The following KLC2 variants were observed in gnomAD, a reference collection of about 807,000 sequenced individuals.
KLC2 encodes KLC 2.
Under a neutral mutation model 75.1 loss-of-function variants are expected in KLC2, and 35 were observed. The observed-to-expected ratio is 0.47, with a 90% CI of 0.36 to 0.62. KLC2 has a LOEUF of 0.62. Ranked by LOEUF, KLC2 falls within the 20% of genes least tolerant of loss-of-function variation. KLC2 has a pLI of 0.00. For synonymous variants in KLC2, 314 were observed against 336.7 expected (o/e 0.93, Z 0.74); for missense variants, 611 against 833.2 (o/e 0.73, Z 3.28).
intron 1 of KLC2, 129 bp downstream of exon 1, chr11:66,258,000 G>A (rs1444743557): frequency 6.5e-6 from 1 of 152,976 alleles, no homozygotes; most frequent in African/African-American, 2.4e-5. Context: ...GCCCTGGTAG[G>A]GGGCGCGGTC....
At chr11:66,262,238 A>T in intron 4 of KLC2, 46 bp downstream of exon 4, 1 of 1,512,288 alleles carries the variant, frequency 6.6e-7, no homozygotes, top group African/African-American at 1.4e-5. Context: ...GGTTGTGTGA[A>T]CTCTTGGTCC....
Position 66,266,913 on chromosome 11 carries a change from C to G in KLC2, c.1826C>G (p.Ser609Cys), listed in dbSNP as rs748605249. The change falls in exon 16 of 16, where the codon TCC becomes TGC. Residue 609 changes from serine to cysteine, a missense_variant. Physicochemically the swap from Ser to Cys is moderately radical, Grantham distance 112. Transcript: ENST00000394067. ...TGLSDSRTLS[S>C]SSMDLSRRSS... ...CTCTCTGACAGCCGCACTCTCAGCT[C>G]CAGCTCCATGGACCTCTCCCGACGA... is the stretch of plus-strand genomic sequence containing the variant. The G allele has an allele frequency of 5.6e-6, 9 of 1,613,624 alleles. No individual in the cohort carries two copies. Among genetic ancestry groups the G allele is most frequent in the Non-Finnish European group, 7.6e-6 (9 of 1,180,020 alleles).
Position 66,258,726 on chromosome 11 carries a change from A to G in KLC2, c.132A>G (p.Ala44=), listed in dbSNP as rs766652477. ...EHRALLAPLV[A]PEAGEAEPGS... ...GTGCCCTGCTGGCTCCTCTGGTTGC[A>G]CCTGAGGCCGGCGAAGCCGAGCCTG... The change falls in exon 2 of 16, where the codon GCA becomes GCG. Residue 44 remains alanine, a synonymous_variant. Coordinates refer to ENST00000394067, the MANE Select transcript of KLC2 (RefSeq NM_001318734.2). 1 of 1,613,352 alleles carries G rather than the reference A, an allele frequency of 6.2e-7. No homozygotes were observed.
chr11:66,266,676 C>T (rs575479354), intron 15 of KLC2, 186 bp downstream of exon 15: 5 of 845,020 alleles, frequency 5.9e-6, no homozygotes, highest in African/African-American at 5.0e-5. Flanking sequence ...GACGTGTAAA[C>T]GGCCAGTGCT....
chr11:66,265,034 C>G lies in KLC2; in HGVS notation c.1228C>G (p.Pro410Ala). 2 of 1,613,300 alleles carry G rather than the reference C, an allele frequency of 1.2e-6. No homozygotes were observed. The highest frequency in any genetic ancestry group is 4.5e-5 in the East Asian group (2 of 44,856). The change falls in exon 10 of 16, where the codon CCC becomes GCC. Residue 410 changes from proline to alanine, a missense_variant. Coordinates refer to ENST00000394067, the MANE Select transcript of KLC2 (RefSeq NM_001318734.2). ...EFGSVNGDNK[P>A]IWMHAEEREE... ...CTTTCTCTCCCCAGGGGACAACAAG[C>G]CCATCTGGATGCACGCAGAGGAGCG...
Position 66,265,247 on chromosome 11 carries a change from G to GGGGCT in KLC2, c.1334+21_1334+25dup, listed in dbSNP as rs747716315. 12 of 1,541,328 alleles carry GGGGCT rather than the reference G, an allele frequency of 7.8e-6. No homozygotes were observed. Among genetic ancestry groups the GGGGCT allele is most frequent in the Admixed American group, 6.7e-5 (4 of 59,878 alleles). ...TGTAAAGTAGACAGGTGAGTGGGGC[G>GGGGCT]GGGCTGGGCTGGGGAGCAGGGCACG... On this transcript the variant is annotated intron_variant, in intron 11 of 15. Coordinates refer to ENST00000394067, the MANE Select transcript of KLC2 (RefSeq NM_001318734.2).
upstream of KLC2, among the ~76,000 whole-genome samples, chr11:66,254,710 C>T (rs1246084069): frequency 2.8e-5 from 4 of 145,070 alleles, no homozygotes; most frequent in Admixed American, 2.1e-4. Flanking sequence ...CCAAGGTGGG[C>T]GGATCATGGT....
upstream of KLC2, among the ~76,000 whole-genome samples, chr11:66,253,851 A>C (rs1031841960): frequency 6.6e-6 from 1 of 152,268 alleles, no homozygotes; most frequent in Admixed American, 6.5e-5. Flanking sequence ...GAACCACTGA[A>C]GCCCACAGAT....
Position 66,267,698 on chromosome 11 carries a change from C to A in KLC2, c.*742C>A, listed in dbSNP as rs1375342699. On this transcript the variant is annotated 3_prime_UTR_variant, in exon 16 of 16. Coordinates refer to ENST00000394067, the MANE Select transcript of KLC2 (RefSeq NM_001318734.2). ...GCACGGCCGACCCCGCCCCGGGCAC[C>A]GCCCACCGAGCCATCCTGCCTCGCC... is the stretch of plus-strand genomic sequence containing the variant. 3 of 520,616 alleles carry A rather than the reference C, an allele frequency of 5.8e-6. No individual in the cohort carries two copies. The highest frequency in any genetic ancestry group is 1.0e-5 in the Non-Finnish European group (3 of 296,020). 32.2% of individuals were successfully genotyped at this position (520,616 alleles called of 1,614,324 possible).
chr11:66,257,407 C>T (rs1351039647), upstream of KLC2: 1 of 152,342 alleles, frequency 6.6e-6, no homozygotes, highest in African/African-American at 2.4e-5. Flanking sequence ...TGGCGCCTCG[C>T]TCTGTACTCC....
At chr11:66,261,459 C>A (rs980290674) in intron 2 of KLC2, 2 of 391,100 alleles carry the variant, frequency 5.1e-6, no homozygotes, top group Non-Finnish European at 9.3e-6. Context: ...GGGCTAGTAG[C>A]TCAGGGAAAG....
At chr11:66,258,964 T>C (rs1266684008) in intron 2 of KLC2, 142 bp downstream of exon 2, 11 of 636,764 alleles carry the variant, frequency 1.7e-5, no homozygotes, top group Admixed American at 3.0e-5. Context: ...TAAATACCTT[T>C]TGAAGAAATA....
chr11:66,250,199 C>T, the KLC2 span, among the ~76,000 whole-genome samples: 6 of 152,178 alleles, frequency 3.9e-5, no homozygotes, highest in Non-Finnish European at 7.3e-5. Flanking sequence ...TCTGTCTCTT[C>T]AGTCATAGAG....
At chr11:66,251,979 G>A in the KLC2 span, among the ~76,000 whole-genome samples, 1 of 152,162 alleles carries the variant, frequency 6.6e-6, no homozygotes, top group Non-Finnish European at 1.5e-5. Context: ...CTGGGGAGAG[G>A]TGAGCTCATC....
chr11:66,244,110 T>C, the KLC2 span: 1 of 152,336 alleles, frequency 6.6e-6, no homozygotes, highest in Non-Finnish European at 1.5e-5. Flanking sequence ...TCCACCCTTG[T>C]TAATGATGCT....
chr11:66,266,472 C>T lies in KLC2; in HGVS notation c.1767C>T (p.Ser589=), dbSNP rs777043786. 1.1e-5 allele frequency: 17 copies of T among 1,613,568 alleles called. No homozygotes were observed. The highest frequency in any genetic ancestry group is 2.2e-5 in the East Asian group (1 of 44,868). Residue 589 remains serine, a synonymous_variant, in exon 15 of 16, where the codon AGC becomes AGT. Coordinates refer to ENST00000394067, the MANE Select transcript of KLC2 (RefSeq NM_001318734.2). ...RASSLNFLNK[S]VEEPTQPGGT... is the part of the protein sequence containing the mutation. The stretch of plus-strand genomic sequence containing the variant: ...GTTCCCTCAACTTCCTCAACAAGAG[C>T]GTGGAAGAGCCGACCCAGGTAGGGG...
Position 66,265,241 on chromosome 11 carries a change from TG to T in KLC2, c.1334+10del. ...AAGGCCTGTAAAGTAGACAGGTGAG[TG>T]GGGCGGGGCTGGGCTGGGGAGCAGG... On this transcript the variant is annotated splice_region_variant and intron_variant, in intron 11 of 15. Transcript: ENST00000394067. 2 of 1,013,494 alleles carry T rather than the reference TG, an allele frequency of 2.0e-6. No homozygotes were observed. The highest frequency in any genetic ancestry group is 3.0e-6 in the Non-Finnish European group (2 of 664,628). The allele number at this position is 1,013,494 out of a possible 1,614,324, so 62.8% of individuals were successfully genotyped here.
At chr11:66,262,273 C>T in intron 4 of KLC2, 81 bp downstream of exon 4, 1 of 1,082,118 alleles carries the variant, frequency 9.2e-7, no homozygotes, top group East Asian at 2.4e-5. Flanking sequence ...CTGCCATGTT[C>T]CTTCCTGCCT....
rs11825510 is a variant in KLC2, at chr11:66,258,720, G to A, written c.126G>A (p.Leu42=). 4.1e-3 allele frequency: 6,640 copies of A among 1,613,704 alleles called. 227 individuals are homozygous for A. In the African/African-American group the frequency reaches 0.076, roughly 18 times the overall value. Reference sequence around the variant, plus strand: ...AGCATCGTGCCCTGCTGGCTCCTCTGGTTGCACCTGAGGCCGGCGAAGCCG... The same window carrying A: ...AGCATCGTGCCCTGCTGGCTCCTCTAGTTGCACCTGAGGCCGGCGAAGCCG... ...RGEHRALLAP[L]VAPEAGEAEP... is the part of the protein sequence containing the mutation. The change falls in exon 2 of 16, where the codon CTG becomes CTA. Residue 42 remains leucine (L), a synonymous_variant. Transcript: ENST00000394067.
Sources: allele counts gnomAD v4.1 joint callset (sites outside exome capture counted in the v4.1 genomes callset), GRCh38; gene constraint gnomAD v4.1.1; transcripts MANE v1.5; gene names NCBI Gene and HGNC (gene_info 2026-07-23, HGNC 2026-07-21).